FBXL19: variants seen among roughly 807,000 people sequenced by gnomAD.
FBXL19 encodes the protein F-box and leucine rich repeat protein 19.
In FBXL19, 16 loss-of-function variants were observed where a neutral mutation model predicts 71.2. That is an observed-to-expected ratio of 0.22 (90% CI 0.15 to 0.34). The LOEUF (loss-of-function observed/expected upper bound fraction) is 0.34, where lower values mean the gene tolerates loss of function less well. FBXL19 is among the 10% of genes least tolerant of loss of function. The pLI is 1.00. For missense variants in FBXL19, 658 were observed against 968.2 expected (o/e 0.68, Z 4.25); for synonymous variants, 447 against 409.4 (o/e 1.09, Z -1.11).
At chr16:30,944,058 G>A (rs968638618) in intron 9 of FBXL19, among the ~76,000 whole-genome samples, 2 of 152,070 alleles carry the variant, frequency 1.3e-5, no homozygotes, top group Non-Finnish European at 2.9e-5. Context: ...GGGGTAAGGT[G>A]GGCATTGGGA....
Position 30,942,019 on chromosome 16 carries a change from G to T in FBXL19, c.1302-97G>T, listed in dbSNP as rs2055807492. On this transcript the variant is annotated intron_variant, in intron 7 of 10. Coordinates refer to ENST00000338343, the MANE Select transcript of FBXL19 (RefSeq NM_001382779.1). This position sits in a 1 kb window ranked among gnomAD's most constrained non-coding sequence, Gnocchi z 5.7. ...TACCCTGTTGTCTGTGTGGCCAGAA[G>T]AGAGCTGGGGTGCACCCTTGGAGCT... The T allele has an allele frequency of 4.5e-6, 6 of 1,344,380 alleles. No homozygotes were observed. The highest frequency in any genetic ancestry group is 1.7e-5 in the South Asian group (1 of 59,046). 83.3% of individuals were successfully genotyped at this position (1,344,380 alleles called of 1,614,324 possible).
intron 7 of FBXL19, among the ~76,000 whole-genome samples, chr16:30,941,770 G>A (rs1483363495): frequency 6.6e-6 from 1 of 152,190 alleles, no homozygotes; most frequent in Admixed American, 6.5e-5. Flanking sequence ...TGTATGTGTT[G>A]GGCAGCACAC....
chr16:30,936,719 T>C (rs1016669899), intron 7 of FBXL19, among the ~76,000 whole-genome samples: 1 of 148,900 alleles, frequency 6.7e-6, no homozygotes, highest in Non-Finnish European at 1.5e-5. Flanking sequence ...GTGCTGGGAT[T>C]ACAGGCGTGA....
rs1184108748 is a variant in FBXL19 at position 30,947,376 on chromosome 16, C to A, written c.*146C>A. 6 of 638,426 alleles carry A rather than the reference C, an allele frequency of 9.4e-6. No individual in the cohort carries two copies. The highest frequency in any genetic ancestry group is 1.6e-5 in the Non-Finnish European group (6 of 371,874). The allele number at this position is 638,426 out of a possible 1,614,324, so 39.5% of individuals were successfully genotyped here. ...TGGGATTCCCACCCAGGGACTCAAG[C>A]CAGCCACCCCCTTCTTTCCCCCCTG... On this transcript the variant is annotated 3_prime_UTR_variant, in exon 11 of 11. Coordinates refer to ENST00000338343, the MANE Select transcript of FBXL19 (RefSeq NM_001382779.1).
chr16:30,937,078 G>GAT (rs2055746665), intron 7 of FBXL19, among the ~76,000 whole-genome samples: 1 of 152,080 alleles, frequency 6.6e-6, no homozygotes, highest in African/African-American at 2.4e-5. Context: ...AGATGATGAT[G>GAT]GTAATGTTGA....
chr16:30,923,229 C>T (rs1442660425), upstream of FBXL19: 1 of 456,212 alleles, frequency 2.2e-6, no homozygotes, highest in Non-Finnish European at 4.4e-6. Context: ...GGGAGAAGGC[C>T]ATCTTGTTTG....
chr16:30,932,210 CATT>C (rs1161688329), intron 7 of FBXL19, among the ~76,000 whole-genome samples: 2 of 152,200 alleles, frequency 1.3e-5, no homozygotes, highest in African/African-American at 4.8e-5. Flanking sequence ...AAAGAGCTCT[CATT>C]GTAGCCAGTA....
At position 30,947,419 on chromosome 16, in the gene FBXL19, G is replaced by T; in HGVS notation, c.*189G>T. 1 of 592,522 alleles carries T rather than the reference G, an allele frequency of 1.7e-6. No homozygotes were observed. The highest frequency in any genetic ancestry group is 3.0e-5 in the Admixed American group (1 of 33,232). 36.7% of individuals were successfully genotyped at this position (592,522 alleles called of 1,614,324 possible). A position where few individuals can be genotyped will look rare whatever the true frequency, so the allele number is the denominator to read the frequency against. On this transcript the variant is annotated 3_prime_UTR_variant, in exon 11 of 11. Transcript: ENST00000338343. ...CCCCCCTGCACTGATATCTCTGGGG[G>T]TTTCTCCTTCCTATGTCCTGCCCCT...
chr16:30,926,583 T>G (rs982439037), intron 2 of FBXL19, among the ~76,000 whole-genome samples: 14 of 151,530 alleles, frequency 9.2e-5, no homozygotes, highest in African/African-American at 3.4e-4. Flanking sequence ...GCATCCTGCG[T>G]CCCCCTCCCC....
rs967534762 is a variant in FBXL19, at chr16:30,948,233, A to C, written c.*1003A>C. 2 of 158,170 alleles carry C rather than the reference A, an allele frequency of 1.3e-5. No individual in the cohort carries two copies. The highest frequency in any genetic ancestry group is 4.8e-5 in the African/African-American group (2 of 41,520). The allele number at this position is 158,170 out of a possible 1,614,324, so 9.8% of individuals were successfully genotyped here. On this transcript the variant is annotated 3_prime_UTR_variant, in exon 11 of 11. Coordinates refer to ENST00000338343, the MANE Select transcript of FBXL19 (RefSeq NM_001382779.1). Reference sequence around the variant, plus strand: ...GGGCGCCAGCCCAAGAATGGGGACCATGGGACTCCTCCAGCCTGGCTCTTC... The same window carrying C: ...GGGCGCCAGCCCAAGAATGGGGACCCTGGGACTCCTCCAGCCTGGCTCTTC...
At chr16:30,938,936 A>G (rs2055768228) in intron 7 of FBXL19, among the ~76,000 whole-genome samples, 1 of 151,022 alleles carries the variant, frequency 6.6e-6, no homozygotes, top group East Asian at 2.0e-4. Context: ...GCGCCTGGCC[A>G]CTATTGGGTG....
In FBXL19 at chr16:30,932,868, C is replaced by G. The variant is rs959123943; in HGVS notation, c.1301+2284C>G. Among the ~76,000 whole-genome samples, 10 of 135,414 alleles carry G rather than the reference C, an allele frequency of 7.4e-5. 1 individual carries two copies. The highest frequency in any genetic ancestry group is 6.3e-4 in the Admixed American group (8 of 12,626). The allele number at this position is 135,414 out of a possible 152,430, so 88.8% of individuals were successfully genotyped here. A position where few individuals can be genotyped will look rare whatever the true frequency, so the allele number is the denominator to read the frequency against. On this transcript the variant is annotated intron_variant, in intron 7 of 10. Coordinates refer to ENST00000338343, the MANE Select transcript of FBXL19 (RefSeq NM_001382779.1). Reference sequence around the variant, plus strand: ...TTTTTTTTTTTTTTTTTTGACAGAGCCTTGCTCTGTCACCCAGGCTGAAGT... The same window carrying G: ...TTTTTTTTTTTTTTTTTTGACAGAGGCTTGCTCTGTCACCCAGGCTGAAGT...
At chr16:30,940,145 C>G (rs2055785322) in intron 7 of FBXL19, among the ~76,000 whole-genome samples, 1 of 152,022 alleles carries the variant, frequency 6.6e-6, no homozygotes, top group Non-Finnish European at 1.5e-5. Context: ...GTAATCCCAG[C>G]TACTCTGGAG....
At chr16:30,939,228 C>T (rs569033051) in intron 7 of FBXL19, among the ~76,000 whole-genome samples, 437 of 150,942 alleles carry the variant, frequency 2.9e-3, no homozygotes, top group Non-Finnish European at 3.0e-3. Flanking sequence ...CCCGCCACCA[C>T]GCCCGGCTAA....
intron 7 of FBXL19, among the ~76,000 whole-genome samples, chr16:30,938,722 C>T (rs2055765194): frequency 6.6e-6 from 1 of 152,034 alleles, no homozygotes; most frequent in Non-Finnish European, 1.5e-5. Flanking sequence ...CTGCCAGCTC[C>T]GCCTCCTGGG....
In FBXL19 at chr16:30,943,390, TTTG is replaced by T. The variant is rs2055823255; in HGVS notation, c.1627+855_1627+857del. 2.0e-5 allele frequency among the ~76,000 whole-genome samples: 3 copies of T among 147,204 alleles called. No individual in the cohort carries two copies. In the South Asian group the frequency reaches 6.7e-4, roughly 33 times the overall value. Reference sequence around the variant, plus strand: ...TAATTTTTTTTTTTTTTTTTTTTTTTTTGAGGTGAAGTCTTGCTCTGTCGCCCA... The same window carrying T: ...TAATTTTTTTTTTTTTTTTTTTTTTTAGGTGAAGTCTTGCTCTGTCGCCCA... On this transcript the variant is annotated intron_variant, in intron 9 of 10. Coordinates refer to ENST00000338343, the MANE Select transcript of FBXL19 (RefSeq NM_001382779.1).
intron 7 of FBXL19, among the ~76,000 whole-genome samples, chr16:30,939,215 G>A (rs1211470956): frequency 6.7e-6 from 1 of 150,320 alleles, no homozygotes; most frequent in East Asian, 2.0e-4. Context: ...GGGACTACAG[G>A]TGCCCGCCAC....
At chr16:30,944,744 C>G (rs1160070800) in intron 9 of FBXL19, among the ~76,000 whole-genome samples, 1 of 152,216 alleles carries the variant, frequency 6.6e-6, no homozygotes, top group Non-Finnish European at 1.5e-5. Flanking sequence ...TCTCTTTCCT[C>G]TGCTTTCCTC....
At position 30,930,213 on chromosome 16, in the gene FBXL19, A is replaced by C. The variant is rs779042030; in HGVS notation, c.930A>C (p.Ser310=). Residue 310 remains serine, a synonymous_variant, in exon 7 of 11, where the codon TCA becomes TCC. Transcript: ENST00000338343. The surrounding 1 kb of genome is among the most constrained non-coding windows in gnomAD (Gnocchi z 8.5). Reference sequence around the variant, plus strand: ...ACACCTCCTCTTCCTCCTCGGACTCAGACTCCGACTCCGACTCTTCGGGCA... The same window carrying C: ...ACACCTCCTCTTCCTCCTCGGACTCCGACTCCGACTCCGACTCTTCGGGCA... ...VPDTSSSSSD[S]DSDSDSSGTS... The C allele has an allele frequency of 1.2e-6, 2 of 1,613,144 alleles. No homozygotes were observed. Among genetic ancestry groups the C allele is most frequent in the Admixed American group, 1.7e-5 (1 of 60,024 alleles).
Sources: allele counts gnomAD v4.1 joint callset (sites outside exome capture counted in the v4.1 genomes callset), GRCh38; gene constraint gnomAD v4.1.1; non-coding constraint Gnocchi (gnomAD v3.1); transcripts MANE v1.5; gene names NCBI Gene and HGNC (gene_info 2026-07-23, HGNC 2026-07-21).